Variants in MAP2K1 observed in about 807,000 individuals in gnomAD.
MAP2K1 encodes the protein dual specificity mitogen-activated protein kinase kinase 1.
In MAP2K1, 16 loss-of-function variants were observed where a neutral mutation model predicts 46.3. The observed-to-expected ratio is 0.35, with a 90% CI of 0.23 to 0.52. MAP2K1 has a LOEUF of 0.52. Among genes scored for constraint, MAP2K1 ranks in the 20% least tolerant of loss-of-function variants. The probability of loss-of-function intolerance (pLI) is 0.94; values close to 1 mark genes in which losing one functional copy is unlikely to be tolerated. For missense variants in MAP2K1, 263 were observed against 497.1 expected, an observed-to-expected ratio of 0.53 and a Z score of 4.48; for synonymous variants, 183 against 185.6, an observed-to-expected ratio of 0.99 and a Z score of 0.11.
intron 1 of MAP2K1, among the ~76,000 whole-genome samples, chr15:66,422,962 T>C (rs531942741): frequency 1.0e-3 from 152 of 152,308 alleles, no homozygotes; most frequent in Middle Eastern, 3.4e-3. Flanking sequence ...TTTTGTTTTT[T>C]TGTTTTTTTG....
chr15:66,440,686 A>G (rs544137707), intron 3 of MAP2K1, among the ~76,000 whole-genome samples: 2 of 152,242 alleles, frequency 1.3e-5, no homozygotes, highest in Non-Finnish European at 2.9e-5. Flanking sequence ...ATTTTCATAA[A>G]GCATTTGTCT....
intron 1 of MAP2K1, chr15:66,414,907 G>T (rs931470142): frequency 5.6e-6 from 2 of 354,940 alleles, no homozygotes; most frequent in Admixed American, 3.6e-5. Flanking sequence ...AGGTCATGGC[G>T]GGGAGTGCAG....
intron 1 of MAP2K1, among the ~76,000 whole-genome samples, chr15:66,389,572 G>GTTTTTTT (rs375412152): frequency 4.6e-5 from 4 of 86,958 alleles, no homozygotes; most frequent in African/African-American, 1.4e-4. Context: ...CTCTGTTGTG[G>GTTTTTTT]TTTTTTTTTT....
At chr15:66,393,471 G>A (rs950801448) in intron 1 of MAP2K1, among the ~76,000 whole-genome samples, 4 of 152,186 alleles carry the variant, frequency 2.6e-5, no homozygotes, top group South Asian at 2.1e-4. Context: ...CCACCGCACC[G>A]GCTATTAATC....
At chr15:66,407,910 T>C (rs930249177) in intron 1 of MAP2K1, among the ~76,000 whole-genome samples, 6 of 152,354 alleles carry the variant, frequency 3.9e-5, no homozygotes, top group African/African-American at 1.4e-4. Flanking sequence ...TCACACAGTA[T>C]GTTCTATTTG....
chr15:66,432,959 A>AGTGTGTGTGTGT (rs1164509967), intron 1 of MAP2K1, among the ~76,000 whole-genome samples: 10,714 of 131,838 alleles, frequency 0.081, 601 homozygotes, highest in East Asian at 0.13. Flanking sequence ...CATCATGCAC[A>AGTGTGTGTGTGT]GTGTGTGTGT....
intron 5 of MAP2K1, among the ~76,000 whole-genome samples, chr15:66,445,176 G>A (rs895943235): frequency 6.6e-6 from 1 of 151,968 alleles, no homozygotes; most frequent in Non-Finnish European, 1.5e-5. Context: ...GGATCATGAG[G>A]TCAGGAGTTC....
In MAP2K1 at chr15:66,386,943, T is replaced by G. The variant is rs886051363; in HGVS notation, c.-405T>G. 1.6e-5 allele frequency: 4 copies of G among 251,300 alleles called. No individual in the cohort carries two copies. The highest frequency in any genetic ancestry group is 8.8e-5 in the African/African-American group (4 of 45,656). The allele number at this position is 251,300 out of a possible 1,614,324, so 15.6% of individuals were successfully genotyped here. A position where few individuals can be genotyped will look rare whatever the true frequency, so the allele number is the denominator to read the frequency against. The stretch of plus-strand genomic sequence containing the variant: ...TCCCAGGGCCGCTTCGCAGAGCGGC[T>G]AGGAGCACGGCGGCGGCGGCACTTT... On this transcript the variant is annotated 5_prime_UTR_variant, in exon 1 of 11. Coordinates refer to ENST00000307102, the MANE Select transcript of MAP2K1 (RefSeq NM_002755.4).
intron 5 of MAP2K1, among the ~76,000 whole-genome samples, chr15:66,472,301 C>T (rs1222207199): frequency 9.0e-6 from 1 of 111,722 alleles, no homozygotes; most frequent in African/African-American, 3.9e-5. Flanking sequence ...GAGACTTCGT[C>T]TCAAAAAAAA....
chr15:66,416,625 A>G (rs1445504517), intron 1 of MAP2K1, among the ~76,000 whole-genome samples: 2 of 152,028 alleles, frequency 1.3e-5, no homozygotes, highest in African/African-American at 2.4e-5. Flanking sequence ...TGGGACTCAC[A>G]TTTCCCTTTC....
Position 66,441,981 on chromosome 15 carries a change from T to A in MAP2K1, c.439-1299T>A, listed in dbSNP as rs375595523. 7.9e-5 allele frequency among the ~76,000 whole-genome samples: 12 copies of A among 152,286 alleles called. No individual in the cohort carries two copies. The South Asian group carries it at 2.1e-3, about 26-fold the overall frequency. ...CCTTGATACATCAGGATCCCCTTAG[T>A]GAGGCATTTCTTCAAGATCGCAGGT... On this transcript the variant is annotated intron_variant, in intron 3 of 10. Transcript: ENST00000307102.
chr15:66,446,342 G>A (rs1891866683), intron 5 of MAP2K1: 1 of 153,302 alleles, frequency 6.5e-6, no homozygotes, highest in African/African-American at 2.4e-5. Flanking sequence ...AGGAGGCTAA[G>A]GCAGGAGAAT....
intron 3 of MAP2K1, among the ~76,000 whole-genome samples, chr15:66,439,411 C>T (rs1178140279): frequency 6.6e-6 from 1 of 152,194 alleles, no homozygotes; most frequent in Non-Finnish European, 1.5e-5. Flanking sequence ...GTGAGCGAAT[C>T]ACCTGAGTTC....
rs1489361214 is a variant in MAP2K1, at chr15:66,420,809, A to G, written c.81-14218A>G. ...TATATGTGTGTATATATATGTGTATATATATGTGTATATATATATGTGTAT... is the reference window on the plus strand; with the variant it reads ...TATATGTGTGTATATATATGTGTATGTATATGTGTATATATATATGTGTAT... On this transcript the variant is annotated intron_variant, in intron 1 of 10. Coordinates refer to ENST00000307102, the MANE Select transcript of MAP2K1 (RefSeq NM_002755.4). Among the ~76,000 whole-genome samples, 7 of 46,696 alleles carry G rather than the reference A, an allele frequency of 1.5e-4. 1 individual carries two copies. Among genetic ancestry groups the G allele is most frequent in the African/African-American group, 3.2e-4 (6 of 18,636 alleles). The allele number at this position is 46,696 out of a possible 152,430, so 30.6% of individuals were successfully genotyped here. A position where few individuals can be genotyped will look rare whatever the true frequency, so the allele number is the denominator to read the frequency against.
At chr15:66,488,815 G>T (rs188231349) in intron 8 of MAP2K1, 159 of 242,858 alleles carry the variant, frequency 6.5e-4, no homozygotes, top group Middle Eastern at 3.0e-3. Context: ...TGCTGGTTAC[G>T]TTCCCATGCC....
chr15:66,448,549 C>T (rs1327845143), intron 5 of MAP2K1, among the ~76,000 whole-genome samples: 1 of 152,150 alleles, frequency 6.6e-6, no homozygotes, highest in African/African-American at 2.4e-5. Flanking sequence ...TGCAAGTGTT[C>T]CCTCTCATTT....
intron 9 of MAP2K1, chr15:66,489,500 C>T: frequency 3.0e-6 from 2 of 665,242 alleles, no homozygotes; most frequent in South Asian, 3.5e-5. Flanking sequence ...TTGGTACTTG[C>T]TCTCCAGGGA....
intron 4 of MAP2K1, among the ~76,000 whole-genome samples, chr15:66,443,879 A>G (rs1034789310): frequency 1.3e-5 from 2 of 151,886 alleles, no homozygotes; most frequent in Non-Finnish European, 2.9e-5. Flanking sequence ...AAACAAAACA[A>G]CTCTTTATAC....
intron 1 of MAP2K1, among the ~76,000 whole-genome samples, chr15:66,414,071 A>C (rs1028319222): frequency 6.6e-6 from 1 of 151,362 alleles, no homozygotes; most frequent in Non-Finnish European, 1.5e-5. Context: ...TTTCTGGCCT[A>C]TCTGGTCAGC....
Sources: gnomAD v4.1 joint callset for allele counts (sites outside exome capture counted in the v4.1 genomes callset) on GRCh38, gnomAD v4.1.1 for gene constraint, MANE v1.5 for transcripts, NCBI Gene and HGNC (gene_info 2026-07-23, HGNC 2026-07-21) for gene names.